GPHN: variants seen among roughly 807,000 people sequenced by gnomAD.
GPHN encodes gephyrin.
A neutral mutation model predicts 95.5 loss-of-function variants in GPHN; 17 were observed. The observed-to-expected ratio is 0.18, with a 90% confidence interval of 0.12 to 0.27. GPHN has a LOEUF of 0.27. Among genes scored for constraint, GPHN ranks in the 10% least tolerant of loss-of-function variants. GPHN has a pLI of 1.00. For synonymous variants in GPHN, 320 were observed against 322.5 expected, an observed-to-expected ratio of 0.99 and a Z score of 0.08; for missense variants, 660 against 978.1, an observed-to-expected ratio of 0.67 and a Z score of 4.34.
chr14:66,730,130 A>G (rs1308744042), intron 2 of GPHN, among the ~76,000 whole-genome samples: 1 of 152,250 alleles, frequency 6.6e-6, no homozygotes, highest in Non-Finnish European at 1.5e-5. Context: ...GCTGCAATGC[A>G]TAGGGAGGCT....
chr14:67,569,317 G>T, the GPHN span: 1 of 816,222 alleles, frequency 1.2e-6, no homozygotes. Flanking sequence ...GCCAGGGTTG[G>T]CTGGCCTACC....
intron 12 of GPHN, among the ~76,000 whole-genome samples, chr14:67,094,683 T>C (rs1478629634): frequency 6.6e-6 from 1 of 152,194 alleles, no homozygotes; most frequent in Non-Finnish European, 1.5e-5. Context: ...TTCATAGATA[T>C]TTTTAAATAA....
chr14:67,336,498 C>T, the GPHN span: 1 of 288,860 alleles, frequency 3.5e-6, no homozygotes, highest in African/African-American at 2.2e-5. Flanking sequence ...CAGGAGAAAT[C>T]TAGGGTCCTT....
the GPHN span, among the ~76,000 whole-genome samples, chr14:67,635,776 C>T: frequency 2.0e-4 from 30 of 152,134 alleles, no homozygotes; most frequent in East Asian, 1.2e-3. Context: ...TTGCTTGATC[C>T]GGTGGGTGGA....
At chr14:67,578,264 T>G in the GPHN span, 1 of 1,431,792 alleles carries the variant, frequency 7.0e-7, no homozygotes, top group Non-Finnish European at 9.7e-7. The surrounding 1 kb of genome is among the most constrained non-coding windows in gnomAD (Gnocchi z 5.0). Flanking sequence ...GTGGGAAAGG[T>G]GGGAGGAGGT....
intron 8 of GPHN, among the ~76,000 whole-genome samples, chr14:66,961,641 A>T (rs1358299048): frequency 2.0e-5 from 3 of 151,542 alleles, no homozygotes; most frequent in Non-Finnish European, 3.0e-5. Context: ...AATCTAAATG[A>T]CTGAGGAATG....
At chr14:67,399,519 G>A in the GPHN span, among the ~76,000 whole-genome samples, 1 of 146,114 alleles carries the variant, frequency 6.8e-6, no homozygotes, top group Non-Finnish European at 1.5e-5. Context: ...GGTCGTTTAG[G>A]TGGTTCTCAG....
At chr14:67,555,680 A>G in the GPHN span, 1 of 1,179,946 alleles carries the variant, frequency 8.5e-7, no homozygotes, top group South Asian at 1.5e-5. Flanking sequence ...GAAAATCCTT[A>G]CCCTGACACT....
intron 9 of GPHN, among the ~76,000 whole-genome samples, chr14:66,976,031 TTC>T (rs771144928): frequency 6.6e-6 from 1 of 152,214 alleles, no homozygotes; most frequent in African/African-American, 2.4e-5. Flanking sequence ...TTTTAAGCCC[TTC>T]TCTCTCTGAT....
At chr14:66,697,244 T>C (rs1412882139) in intron 2 of GPHN, among the ~76,000 whole-genome samples, 2 of 152,214 alleles carry the variant, frequency 1.3e-5, no homozygotes, top group Non-Finnish European at 2.9e-5. Context: ...AATAATATTG[T>C]CAATGATGAA....
chr14:67,517,442 C>A, the GPHN span, among the ~76,000 whole-genome samples: 1 of 152,270 alleles, frequency 6.6e-6, no homozygotes, highest in South Asian at 2.1e-4. Flanking sequence ...GTATGAATTT[C>A]TTTTAAACTC....
chr14:67,301,870 T>C, the GPHN span: 4,462 of 1,265,924 alleles, frequency 3.5e-3, 17 homozygotes, highest in Admixed American at 0.011. Flanking sequence ...TATAACACTT[T>C]TAAAGATTTA....
the GPHN span, chr14:67,221,664 A>C: frequency 6.7e-7 from 1 of 1,498,056 alleles, no homozygotes; most frequent in Non-Finnish European, 9.0e-7. Context: ...AACGTGTTTC[A>C]TTACTACCCA....
At chr14:66,779,538 G>C (rs990846945) in intron 3 of GPHN, among the ~76,000 whole-genome samples, 3 of 152,114 alleles carry the variant, frequency 2.0e-5, no homozygotes, top group East Asian at 3.8e-4. Context: ...CACCCTGTCT[G>C]ATAATACAAT....
chr14:67,325,230 C>T, the GPHN span, among the ~76,000 whole-genome samples: 1 of 152,142 alleles, frequency 6.6e-6, no homozygotes, highest in African/African-American at 2.4e-5. Context: ...CTGTCCACCA[C>T]AACACATTAA....
chr14:66,585,511 CT>C (rs1183783213), intron 1 of GPHN, among the ~76,000 whole-genome samples: 3 of 152,054 alleles, frequency 2.0e-5, no homozygotes, highest in African/African-American at 7.3e-5. Flanking sequence ...TTCCTGCTTT[CT>C]CTTGTGGGCA....
chr14:67,343,547 A>G, the GPHN span: 1 of 818,504 alleles, frequency 1.2e-6, no homozygotes, highest in Non-Finnish European at 2.0e-6. Flanking sequence ...GAACCAAGAC[A>G]ACTTCTTTTT....
intron 1 of GPHN, among the ~76,000 whole-genome samples, chr14:66,645,443 T>G (rs936004860): frequency 6.6e-6 from 1 of 152,006 alleles, no homozygotes; most frequent in Non-Finnish European, 1.5e-5. Flanking sequence ...TCCCAGCGCT[T>G]TGGGAGGCTG....
intron 22 of GPHN, among the ~76,000 whole-genome samples, chr14:67,180,424 C>A: frequency 6.6e-6 from 1 of 152,122 alleles, no homozygotes; most frequent in East Asian, 1.9e-4. Flanking sequence ...GTGCCTAGTA[C>A]TTTGGCACTC....
Sources: allele counts gnomAD v4.1 joint callset (sites outside exome capture counted in the v4.1 genomes callset), GRCh38; gene constraint gnomAD v4.1.1; non-coding constraint Gnocchi (gnomAD v3.1); transcripts MANE v1.5; gene names NCBI Gene and HGNC (gene_info 2026-07-23, HGNC 2026-07-21).